FHIT: variants seen among roughly 807,000 people sequenced by gnomAD.
FHIT encodes bis(5'-adenosyl)-triphosphatase.
Under a neutral mutation model 17.9 loss-of-function variants are expected in FHIT, and 19 were observed. The observed-to-expected ratio is 1.06, with a 90% CI of 0.74 to 1.56. The LOEUF (loss-of-function observed/expected upper bound fraction) is 1.56. FHIT is among the 40% of genes most tolerant of loss of function. FHIT has a pLI of 0.00. For synonymous variants in FHIT, 81 were observed against 69.7 expected, an observed-to-expected ratio of 1.16 and a Z score of -0.81; for missense variants, 248 against 189.2, an observed-to-expected ratio of 1.31 and a Z score of -1.82.
At chr3:59,966,938 T>C (rs963509524) in intron 7 of FHIT, among the ~76,000 whole-genome samples, 3 of 152,212 alleles carry the variant, frequency 2.0e-5, no homozygotes, top group African/African-American at 7.2e-5. Flanking sequence ...TTGACTTTTG[T>C]AATAACATGT....
intron 1 of FHIT, among the ~76,000 whole-genome samples, chr3:61,222,033 A>G (rs371125514): frequency 6.8e-4 from 103 of 152,308 alleles, no homozygotes; most frequent in African/African-American, 2.5e-3. Flanking sequence ...CTCCTGGCCC[A>G]GTGCTCGGAT....
At chr3:59,949,115 G>C (rs75579398) in intron 7 of FHIT, among the ~76,000 whole-genome samples, 1,648 of 152,154 alleles carry the variant, frequency 0.011, 32 homozygotes, top group African/African-American at 0.038. Flanking sequence ...CTGATGTTTA[G>C]CTCCCTTTTG....
intron 5 of FHIT, among the ~76,000 whole-genome samples, chr3:60,143,537 CA>C (rs1472764525): frequency 2.0e-5 from 3 of 152,076 alleles, no homozygotes; most frequent in African/African-American, 7.2e-5. Flanking sequence ...TGCTAAACCC[CA>C]GATGATTCAC....
At chr3:61,041,157 G>A (rs1482463147) in intron 3 of FHIT, among the ~76,000 whole-genome samples, 1 of 152,078 alleles carries the variant, frequency 6.6e-6, no homozygotes, top group Non-Finnish European at 1.5e-5. Context: ...GAGGCAGGCA[G>A]ATCACGAGGT....
intron 3 of FHIT, among the ~76,000 whole-genome samples, chr3:60,923,509 C>G (rs1420648675): frequency 2.0e-5 from 3 of 152,154 alleles, no homozygotes; most frequent in Non-Finnish European, 2.9e-5. Flanking sequence ...TAATTGATAC[C>G]TTATTCATTC....
intron 5 of FHIT, among the ~76,000 whole-genome samples, chr3:60,376,032 A>C (rs1277349714): frequency 1.3e-5 from 2 of 152,346 alleles, no homozygotes; most frequent in Middle Eastern, 3.4e-3. Context: ...GTTTCCATGC[A>C]GAAGCAGAAG....
intron 7 of FHIT, among the ~76,000 whole-genome samples, chr3:59,967,580 T>C (rs375696522): frequency 6.6e-6 from 1 of 152,152 alleles, no homozygotes; most frequent in African/African-American, 2.4e-5. Context: ...TACTATAACC[T>C]TACAAGCTTG....
At chr3:60,573,888 T>C (rs1245342752) in intron 4 of FHIT, among the ~76,000 whole-genome samples, 1 of 152,026 alleles carries the variant, frequency 6.6e-6, no homozygotes, top group Non-Finnish European at 1.5e-5. Context: ...CAGCTCACTA[T>C]AACCTCTGCC....
intron 5 of FHIT, among the ~76,000 whole-genome samples, chr3:60,322,794 T>C (rs1709493477): frequency 6.6e-6 from 1 of 152,192 alleles, no homozygotes; most frequent in African/African-American, 2.4e-5. Context: ...GTACTATTTT[T>C]GTGCCCTTGA....
intron 7 of FHIT, among the ~76,000 whole-genome samples, chr3:59,976,893 A>G (rs947013937): frequency 6.6e-6 from 1 of 152,102 alleles, no homozygotes. Flanking sequence ...AGAATGCAAG[A>G]TATCTCCAAG....
At chr3:61,007,233 T>C (rs1403427399) in intron 3 of FHIT, among the ~76,000 whole-genome samples, 1 of 152,232 alleles carries the variant, frequency 6.6e-6, no homozygotes, top group Non-Finnish European at 1.5e-5. Context: ...ATAATGTGTT[T>C]ACATCACAAA....
chr3:60,167,463 C>T (rs1576238232), intron 5 of FHIT, among the ~76,000 whole-genome samples: 1 of 152,056 alleles, frequency 6.6e-6, no homozygotes, highest in African/African-American at 2.4e-5. Context: ...CTCTTAATTA[C>T]CAATAGAGGA....
intron 5 of FHIT, among the ~76,000 whole-genome samples, chr3:60,261,451 T>C (rs1706296744): frequency 6.6e-6 from 1 of 152,042 alleles, no homozygotes; most frequent in African/African-American, 2.4e-5. Context: ...GTCCTGTTGA[T>C]ACATTTATTT....
intron 1 of FHIT, among the ~76,000 whole-genome samples, chr3:61,220,466 T>C (rs1465923502): frequency 1.3e-5 from 2 of 152,262 alleles, no homozygotes; most frequent in Non-Finnish European, 2.9e-5. Flanking sequence ...AATTTATATG[T>C]ATGCATTTCT....
At chr3:60,374,738 C>T (rs1700474774) in intron 5 of FHIT, among the ~76,000 whole-genome samples, 1 of 151,914 alleles carries the variant, frequency 6.6e-6, no homozygotes, top group African/African-American at 2.4e-5. Flanking sequence ...GATCAAATTG[C>T]ATACTCAATT....
intron 4 of FHIT, among the ~76,000 whole-genome samples, chr3:60,569,748 T>TAC (rs1559547702): frequency 0.35 from 25,426 of 72,094 alleles, 3,654 homozygotes; most frequent in East Asian, 0.44. Context: ...TATATATATA[T>TAC]ATATATATTT....
chr3:61,247,526 G>C (rs190679112), intron 1 of FHIT, among the ~76,000 whole-genome samples: 1 of 152,272 alleles, frequency 6.6e-6, no homozygotes, highest in East Asian at 1.9e-4. Context: ...CCATAGATCA[G>C]GGGCCTCTCA....
At chr3:60,738,519 C>A (rs1389587773) in intron 4 of FHIT, among the ~76,000 whole-genome samples, 1 of 152,162 alleles carries the variant, frequency 6.6e-6, no homozygotes, top group Non-Finnish European at 1.5e-5. Flanking sequence ...CTCAGAAGGA[C>A]CTGCTTTACC....
chr3:61,232,831 G>C (rs1174087784), intron 1 of FHIT, among the ~76,000 whole-genome samples: 4 of 152,028 alleles, frequency 2.6e-5, no homozygotes, highest in African/African-American at 7.2e-5. Flanking sequence ...CAGGAGAGCA[G>C]GTAAATAAAT....
Sources: gnomAD v4.1 joint callset for allele counts (sites outside exome capture counted in the v4.1 genomes callset) on GRCh38, gnomAD v4.1.1 for gene constraint, MANE v1.5 for transcripts, NCBI Gene and HGNC (gene_info 2026-07-23, HGNC 2026-07-21) for gene names.